Variants in RASL12 observed in about 807,000 individuals in gnomAD.
The protein encoded by RASL12 is RAS like family 12, also known as ras-like protein family member 12.
In RASL12, 16 loss-of-function variants were observed where a neutral mutation model predicts 22.9. The observed-to-expected ratio is 0.70, with a 90% CI of 0.47 to 1.06. RASL12 has a LOEUF of 1.06. Ranked by LOEUF, RASL12 falls within the 50% of genes least tolerant of loss-of-function variation. The pLI, the probability that RASL12 is intolerant of heterozygous loss-of-function variation, is 0.00. For synonymous variants in RASL12, 159 were observed against 152.2 expected (o/e 1.04, Z -0.33); for missense variants, 306 against 353.1 (o/e 0.87, Z 1.07).
chr15:65,076,615 A>T (rs1038907257), exon 1 of RASL12: 3 of 703,576 alleles, frequency 4.3e-6, no homozygotes, highest in Non-Finnish European at 7.7e-6. Flanking sequence ...TAAGGATATG[A>T]GTGATCACAC....
rs753701889 is a variant in RASL12, at chr15:65,058,376, C to T, written c.425+51G>A. 11 of 1,394,352 alleles carry T rather than the reference C, an allele frequency of 7.9e-6. No homozygotes were observed. The East Asian group carries it at 2.6e-4, about 33-fold the overall frequency. 86.4% of individuals were successfully genotyped at this position (1,394,352 alleles called of 1,614,324 possible). A position where few individuals can be genotyped will look rare whatever the true frequency, so the allele number is the denominator to read the frequency against. On this transcript the variant is annotated intron_variant, in intron 4 of 4. Transcript: ENST00000220062. Reference sequence around the variant, plus strand: ...TCCCTCAAGATGCCACCTGACCTTACAAGTGAAGAAAGCGAGCTCTGGAGA... The same window carrying T: ...TCCCTCAAGATGCCACCTGACCTTATAAGTGAAGAAAGCGAGCTCTGGAGA...
At position 65,055,111 on chromosome 15, in the gene RASL12, A is replaced by G; in HGVS notation, c.589T>C (p.Phe197Leu). 1.2e-6 allele frequency: 2 copies of G among 1,611,208 alleles called. No individual in the cohort carries two copies. The highest frequency in any genetic ancestry group is 3.3e-5 in the Admixed American group (2 of 59,742). ...LEKSPLTRPL[F>L]ISEERALPHQ... ...GGCAGGGCCCTCTCCTCGGAGATGA[A>G]GAGGGGCCGGGTCAGGGGGCTCTTC... Residue 197 changes from phenylalanine (F) to leucine (L), a missense_variant, in exon 5 of 5, where the codon TTC (phenylalanine) becomes CTC (leucine). Transcript: ENST00000220062.
In RASL12 at chr15:65,067,746, C is replaced by T. The variant is rs2086895986; in HGVS notation, c.90G>A (p.Gly30=). Residue 30 remains glycine, a synonymous_variant, in exon 1 of 5, where the codon GGG becomes GGA. Coordinates refer to ENST00000220062, the MANE Select transcript of RASL12 (RefSeq NM_016563.4). ...EVNLAILGRR[G]AGKSALTVKF... is the part of the protein sequence containing the mutation. ...GGCGCCACTCACCAGACTTGCCAGC[C>T]CCGCGGCGCCCCAGGATGGCCAGGT... 3.8e-6 allele frequency: 6 copies of T among 1,567,980 alleles called. No homozygotes were observed. Among genetic ancestry groups the T allele is most frequent in the Non-Finnish European group, 5.2e-6 (6 of 1,159,630 alleles).
intron 4 of RASL12, among the ~76,000 whole-genome samples, chr15:65,056,834 G>C (rs2140516910): frequency 6.6e-6 from 1 of 152,294 alleles, no homozygotes; most frequent in Admixed American, 6.5e-5. Context: ...GGAATACATT[G>C]TCCTGAGTTG....
In RASL12 at chr15:65,054,731, C is replaced by G. The variant is rs2086702456; in HGVS notation, c.*168G>C. On this transcript the variant is annotated 3_prime_UTR_variant, in exon 5 of 5. Coordinates refer to ENST00000220062, the MANE Select transcript of RASL12 (RefSeq NM_016563.4). ...GCCTGGAGGGAACAGAAGCAGCATC[C>G]CTGCCTGCCACTCCAGCTCACACAG... is the stretch of plus-strand genomic sequence containing the variant. 7.0e-7 allele frequency: 1 copy of G among 1,438,318 alleles called. No individual in the cohort carries two copies. The highest frequency in any genetic ancestry group is 9.1e-7 in the Non-Finnish European group (1 of 1,100,752). The allele number at this position is 1,438,318 out of a possible 1,614,324, so 89.1% of individuals were successfully genotyped here.
the RASL12 span, among the ~76,000 whole-genome samples, chr15:65,045,751 C>G: frequency 6.6e-6 from 1 of 152,116 alleles, no homozygotes. Flanking sequence ...GATCCTGGAA[C>G]AAGAAAAGAA....
chr15:65,053,749 C>A lies in RASL12; in HGVS notation c.*1150G>T. 1.0e-6 allele frequency: 1 copy of A among 986,452 alleles called. No individual in the cohort carries two copies. The highest frequency in any genetic ancestry group is 1.2e-6 in the Non-Finnish European group (1 of 830,488). The allele number at this position is 986,452 out of a possible 1,614,324, so 61.1% of individuals were successfully genotyped here. A position where few individuals can be genotyped will look rare whatever the true frequency, so the allele number is the denominator to read the frequency against. Reference sequence around the variant, plus strand: ...TGTGCAAGACTTCCCTGGGACCTGGCGTGTGGTAAACAAAATCAGACAACT... The same window carrying A: ...TGTGCAAGACTTCCCTGGGACCTGGAGTGTGGTAAACAAAATCAGACAACT... On this transcript the variant is annotated 3_prime_UTR_variant, in exon 5 of 5. Transcript: ENST00000220062.
At chr15:65,050,836 C>CCTTTTTTTTTTTTTTTTTTTTCTTTT (rs2086642864), downstream of RASL12, among the ~76,000 whole-genome samples, 1 of 95,650 alleles carries the variant, frequency 1.0e-5, no homozygotes, top group Non-Finnish European at 1.9e-5. Flanking sequence ...TCTTCTTCTT[C>CCTTTTTTTTTTTTTTTTTTTTCTTTT]TTTTTTTTTT....
At chr15:65,071,185 T>C (rs1335908061), upstream of RASL12, among the ~76,000 whole-genome samples, 3 of 152,332 alleles carry the variant, frequency 2.0e-5, no homozygotes, top group East Asian at 5.8e-4. Context: ...ACGCCTACTG[T>C]ATGCCCATCG....
At chr15:65,060,488 C>T (rs919891299) in intron 2 of RASL12, among the ~76,000 whole-genome samples, 2 of 152,138 alleles carry the variant, frequency 1.3e-5, no homozygotes, top group Admixed American at 6.5e-5. Flanking sequence ...TTGAATTTCT[C>T]GAGTTGTTAC....
chr15:65,067,684 C>T (rs2086895050), intron 1 of RASL12, 49 bp downstream of exon 1: 6 of 1,506,546 alleles, frequency 4.0e-6, no homozygotes, highest in East Asian at 2.8e-5. Context: ...GTCCCCCCAC[C>T]CACGCCCAGC....
rs1398360546 is a variant in RASL12 at position 65,053,674 on chromosome 15, C to G, written c.*1225G>C. Reference sequence around the variant, plus strand: ...CCAGGCCCAGAATCCCCTTCCCAATCCTTCCACCCACCAGGACCCTCTCTT... The same window carrying G: ...CCAGGCCCAGAATCCCCTTCCCAATGCTTCCACCCACCAGGACCCTCTCTT... On this transcript the variant is annotated 3_prime_UTR_variant, in exon 5 of 5. Transcript: ENST00000220062. 3 of 988,896 alleles carry G rather than the reference C, an allele frequency of 3.0e-6. No homozygotes were observed. The highest frequency in any genetic ancestry group is 1.7e-5 in the African/African-American group (1 of 57,254). The allele number at this position is 988,896 out of a possible 1,614,324, so 61.3% of individuals were successfully genotyped here. A position where few individuals can be genotyped will look rare whatever the true frequency, so the allele number is the denominator to read the frequency against.
chr15:65,075,394 G>C (rs1444218833), intron 1 of RASL12, among the ~76,000 whole-genome samples: 2 of 152,242 alleles, frequency 1.3e-5, no homozygotes, highest in African/African-American at 4.8e-5. Flanking sequence ...AACCACCCAA[G>C]GGCTGAGGAA....
the RASL12 span, among the ~76,000 whole-genome samples, chr15:65,047,798 TAGA>T: frequency 8.6e-5 from 2 of 23,236 alleles, no homozygotes; most frequent in Non-Finnish European, 2.6e-4. Context: ...CGATAGATGA[TAGA>T]TAGATAGATA....
chr15:65,050,871 G>T (rs1341500204), downstream of RASL12, among the ~76,000 whole-genome samples: 8 of 120,406 alleles, frequency 6.6e-5, no homozygotes, highest in African/African-American at 2.5e-4. Flanking sequence ...TTTTGAGGCA[G>T]GGTCACTCTG....
intron 1 of RASL12, among the ~76,000 whole-genome samples, chr15:65,065,970 A>T (rs1259565282): frequency 1.3e-5 from 2 of 152,034 alleles, no homozygotes; most frequent in Admixed American, 1.3e-4. Context: ...ACTATACTGG[A>T]CCCTCAAAAA....
downstream of RASL12, chr15:65,051,471 G>A (rs540288056): frequency 5.0e-6 from 8 of 1,592,842 alleles, no homozygotes; most frequent in Middle Eastern, 1.7e-4. Flanking sequence ...CTTGAGAGGT[G>A]CCTGGCCATT....
Position 65,055,112 on chromosome 15 carries a change from G to C in RASL12, c.588C>G (p.Leu196=), listed in dbSNP as rs960703158. The C allele has an allele frequency of 5.0e-6, 8 of 1,611,042 alleles. No homozygotes were observed. The highest frequency in any genetic ancestry group is 6.8e-6 in the Non-Finnish European group (8 of 1,179,002). ...ELEKSPLTRP[L]FISEERALPH... The stretch of plus-strand genomic sequence containing the variant: ...GCAGGGCCCTCTCCTCGGAGATGAA[G>C]AGGGGCCGGGTCAGGGGGCTCTTCT... The change falls in exon 5 of 5, where the codon CTC becomes CTG. Residue 196 remains leucine (L), a synonymous_variant. Coordinates refer to ENST00000220062, the MANE Select transcript of RASL12 (RefSeq NM_016563.4).
In RASL12 at chr15:65,067,897, C is replaced by T. The variant is rs938030101; in HGVS notation, c.-62G>A. On this transcript the variant is annotated 5_prime_UTR_variant, in exon 1 of 5. Coordinates refer to ENST00000220062, the MANE Select transcript of RASL12 (RefSeq NM_016563.4). Reference sequence around the variant, plus strand: ...GTGGGCCCCGCGCAGTGCGCCCGCCCGTCGGGGCCCAGGGGAGCGGGATGC... The same window carrying T: ...GTGGGCCCCGCGCAGTGCGCCCGCCTGTCGGGGCCCAGGGGAGCGGGATGC... 530 of 1,371,930 alleles carry T rather than the reference C, an allele frequency of 3.9e-4. No individual in the cohort carries two copies. Among genetic ancestry groups the T allele is most frequent in the Non-Finnish European group, 4.9e-4 (522 of 1,068,248 alleles). 85.0% of individuals were successfully genotyped at this position (1,371,930 alleles called of 1,614,324 possible).
Sources: gnomAD v4.1 joint callset for allele counts (sites outside exome capture counted in the v4.1 genomes callset) on GRCh38, gnomAD v4.1.1 for gene constraint, MANE v1.5 for transcripts, NCBI Gene and HGNC (gene_info 2026-07-23, HGNC 2026-07-21) for gene names.